The following NECTIN2 variants were observed in gnomAD, a reference collection of about 807,000 sequenced individuals.
NECTIN2 encodes nectin-2.
A neutral mutation model predicts 56.9 loss-of-function variants in NECTIN2; 23 were observed. The observed-to-expected ratio is 0.40, with a 90% CI of 0.29 to 0.57. NECTIN2 has a LOEUF of 0.57. NECTIN2 is among the 20% of genes least tolerant of loss of function. The pLI, the probability that NECTIN2 is intolerant of heterozygous loss-of-function variation, is 0.38. For synonymous variants in NECTIN2, 302 were observed against 313.8 expected (o/e 0.96, Z 0.40); for missense variants, 587 against 718.3 (o/e 0.82, Z 2.09).
intron 1 of NECTIN2, among the ~76,000 whole-genome samples, chr19:44,846,937 GC>G (rs886082756): frequency 2.0e-5 from 3 of 151,816 alleles, no homozygotes; most frequent in African/African-American, 7.3e-5. Context: ...AAGGCCTGGT[GC>G]CCCCTCCCCA....
At chr19:44,887,378 C>G (rs1049369737) in intron 8 of NECTIN2, among the ~76,000 whole-genome samples, 2 of 151,966 alleles carry the variant, frequency 1.3e-5, no homozygotes, top group African/African-American at 4.8e-5. Context: ...TGCGGTTGCT[C>G]ACGCCTGTAA....
rs548735774 is a variant in NECTIN2, at chr19:44,881,997, C to T, written c.1043-214C>T. On this transcript the variant is annotated intron_variant, in intron 5 of 8. Coordinates refer to ENST00000252483, the MANE Select transcript of NECTIN2 (RefSeq NM_001042724.2). ...AATCAAAGTTCCATGAAGGTAGACA[C>T]TTTGTATGTTTTGTTCTCCACTCAT... 2.5e-5 allele frequency: 10 copies of T among 398,738 alleles called. No individual in the cohort carries two copies. In the South Asian group the frequency reaches 7.3e-4, roughly 29 times the overall value. The allele number at this position is 398,738 out of a possible 1,614,324, so 24.7% of individuals were successfully genotyped here.
At chr19:44,851,238 C>T (rs1014754960) in intron 1 of NECTIN2, among the ~76,000 whole-genome samples, 1 of 151,254 alleles carries the variant, frequency 6.6e-6, no homozygotes, top group Non-Finnish European at 1.5e-5. Flanking sequence ...AGTCCAGGCC[C>T]CCATCCTTCC....
intron 1 of NECTIN2, among the ~76,000 whole-genome samples, chr19:44,862,992 C>CAAAAAAAA (rs57740346): frequency 8.1e-6 from 1 of 123,114 alleles, no homozygotes; most frequent in African/African-American, 3.2e-5. Flanking sequence ...ACTAAAAATA[C>CAAAAAAAA]AAAAAAAAAA....
Position 44,882,268 on chromosome 19 carries a change from C to T in NECTIN2, c.1100C>T (p.Ala367Val). The T allele has an allele frequency of 1.9e-6, 3 of 1,560,242 alleles. No homozygotes were observed. Among genetic ancestry groups the T allele is most frequent in the South Asian group, 1.2e-5 (1 of 84,830 alleles). ...ATGGIIGGIIAAIIATAVAAT... is the reference protein window; with the variant it reads ...ATGGIIGGIIVAIIATAVAAT... Reference sequence around the variant, plus strand: ...GGCGGCATCATCGGGGGCATCATCGCCGCCATCATTGCTACTGCTGTGGCT... The same window carrying T: ...GGCGGCATCATCGGGGGCATCATCGTCGCCATCATTGCTACTGCTGTGGCT... The change falls in exon 6 of 9, where the codon GCC becomes GTC. Residue 367 changes from alanine to valine, a missense_variant. Transcript: ENST00000252483.
At chr19:44,879,075 A>G (rs562979928) in intron 5 of NECTIN2, 68 of 300,152 alleles carry the variant, frequency 2.3e-4, no homozygotes, top group Non-Finnish European at 3.3e-4. Context: ...CAGGGGTTAG[A>G]CTGGGGAAGG....
chr19:44,848,409 G>A (rs946819642), intron 1 of NECTIN2, among the ~76,000 whole-genome samples: 1 of 152,110 alleles, frequency 6.6e-6, no homozygotes, highest in Admixed American at 6.6e-5. Context: ...CGGGGAAGCC[G>A]GGCTCCGGTT....
intron 8 of NECTIN2, among the ~76,000 whole-genome samples, chr19:44,887,177 C>T (rs1317662835): frequency 6.6e-6 from 1 of 151,926 alleles, no homozygotes; most frequent in Non-Finnish European, 1.5e-5. Flanking sequence ...AGGTGAAACC[C>T]CTTCTCTACT....
In NECTIN2 at chr19:44,853,875, G is replaced by C. The variant is rs570522321; in HGVS notation, c.88+7262G>C. Among the ~76,000 whole-genome samples, 197 of 152,310 alleles carry C rather than the reference G, an allele frequency of 1.3e-3. 1 individual carries two copies. Among genetic ancestry groups the C allele is most frequent in the African/African-American group, 4.0e-3 (167 of 41,584 alleles). Reference sequence around the variant, plus strand: ...CTTGCAGATACTGAGGGTACAGGTTGTGAGCAAAACAGACAGAAGATCCCT... The same window carrying C: ...CTTGCAGATACTGAGGGTACAGGTTCTGAGCAAAACAGACAGAAGATCCCT... On this transcript the variant is annotated intron_variant, in intron 1 of 8. Transcript: ENST00000252483.
chr19:44,881,848 G>A (rs1969311501), intron 5 of NECTIN2, among the ~76,000 whole-genome samples: 1 of 152,070 alleles, frequency 6.6e-6, no homozygotes, highest in South Asian at 2.1e-4. Flanking sequence ...TACCTTCGGG[G>A]ACCCCACTTT....
At chr19:44,847,145 G>T (rs1173992076) in intron 1 of NECTIN2, among the ~76,000 whole-genome samples, 2 of 152,146 alleles carry the variant, frequency 1.3e-5, no homozygotes, top group Non-Finnish European at 2.9e-5. Context: ...ACCTGATTCG[G>T]GTCCCTTGGA....
At chr19:44,858,124 C>G (rs1234793491) in intron 1 of NECTIN2, among the ~76,000 whole-genome samples, 1 of 152,110 alleles carries the variant, frequency 6.6e-6, no homozygotes, top group Admixed American at 6.6e-5. Context: ...TGATACATTT[C>G]GCATAGCTCA....
chr19:44,888,621 C>G lies in NECTIN2; in HGVS notation c.*242C>G. ...GCAGGAGGTGGGGAAGGTGCTTCTG[C>G]ACAACCTCTGATCCCAAGGACTCCT... On this transcript the variant is annotated 3_prime_UTR_variant, in exon 9 of 9. Coordinates refer to ENST00000252483, the MANE Select transcript of NECTIN2 (RefSeq NM_001042724.2). 1.8e-6 allele frequency: 1 copy of G among 547,330 alleles called. No individual in the cohort carries two copies. Among genetic ancestry groups the G allele is most frequent in the African/African-American group, 1.9e-5 (1 of 53,362 alleles). 33.9% of individuals were successfully genotyped at this position (547,330 alleles called of 1,614,324 possible).
intron 1 of NECTIN2, among the ~76,000 whole-genome samples, chr19:44,850,114 C>A (rs556659311): frequency 1.8e-4 from 27 of 152,204 alleles, no homozygotes; most frequent in Middle Eastern, 3.4e-3. Flanking sequence ...GCAGGAGAAT[C>A]GTTTGAACCG....
At chr19:44,883,649 C>T (rs979333251) in intron 6 of NECTIN2, among the ~76,000 whole-genome samples, 2 of 152,020 alleles carry the variant, frequency 1.3e-5, no homozygotes, top group Non-Finnish European at 2.9e-5. Context: ...AAGTGAGACA[C>T]CATCTCTAAA....
At chr19:44,870,185 A>C (rs1199528365) in intron 2 of NECTIN2, among the ~76,000 whole-genome samples, 1 of 152,094 alleles carries the variant, frequency 6.6e-6, no homozygotes, top group African/African-American at 2.4e-5. Flanking sequence ...CAAAACCCCA[A>C]AGTGGGTGGA....
At chr19:44,855,117 C>CA (rs56220442) in intron 1 of NECTIN2, among the ~76,000 whole-genome samples, 26 of 120,350 alleles carry the variant, frequency 2.2e-4, no homozygotes, top group East Asian at 6.1e-4. Flanking sequence ...GACTCCGTCT[C>CA]AAAAAAAAAA....
At chr19:44,884,309 C>T (rs1263401510) in intron 6 of NECTIN2, among the ~76,000 whole-genome samples, 1 of 152,048 alleles carries the variant, frequency 6.6e-6, no homozygotes, top group Non-Finnish European at 1.5e-5. Flanking sequence ...CCACGTACCA[C>T]CACACCTAGC....
chr19:44,869,022 C>T (rs1279377112), intron 2 of NECTIN2, among the ~76,000 whole-genome samples: 2 of 152,106 alleles, frequency 1.3e-5, no homozygotes, highest in African/African-American at 4.8e-5. Context: ...CAGCCCAGAG[C>T]GTCTGAGAAG....
Sources: gnomAD v4.1 joint callset for allele counts (sites outside exome capture counted in the v4.1 genomes callset) on GRCh38, gnomAD v4.1.1 for gene constraint, MANE v1.5 for transcripts, NCBI Gene and HGNC (gene_info 2026-07-23, HGNC 2026-07-21) for gene names.